MYO18B: variants seen among roughly 807,000 people sequenced by gnomAD.
MYO18B encodes the protein unconventional myosin-XVIIIb.
In MYO18B, 204 loss-of-function variants were observed where a neutral mutation model predicts 273.0. The ratio of observed to expected loss-of-function variants is 0.75; its 90% CI spans 0.67 to 0.84. The LOEUF (loss-of-function observed/expected upper bound fraction) is 0.84. Ranked by LOEUF, MYO18B falls within the 40% of genes least tolerant of loss-of-function variation. The pLI is 0.00. For missense variants in MYO18B, 3,212 were observed against 3,287.6 expected (o/e 0.98, Z 0.56); for synonymous variants, 1,330 against 1,305.7 (o/e 1.02, Z -0.40).
chr22:25,920,687 G>A (rs991297905), intron 33 of MYO18B, among the ~76,000 whole-genome samples: 2 of 152,220 alleles, frequency 1.3e-5, no homozygotes, highest in East Asian at 1.9e-4. Context: ...ATTTACTGAG[G>A]TGTAACACAA....
intron 1 of MYO18B, among the ~76,000 whole-genome samples, chr22:25,749,589 G>C (rs2085877385): frequency 6.6e-6 from 1 of 152,178 alleles, no homozygotes; most frequent in African/African-American, 2.4e-5. Flanking sequence ...AGAGAGCCTG[G>C]GGGTAGGGAG....
At chr22:25,884,424 GGTTTCTTATCT>G (rs1569150244) in intron 25 of MYO18B, among the ~76,000 whole-genome samples, 1 of 152,152 alleles carries the variant, frequency 6.6e-6, no homozygotes, top group Non-Finnish European at 1.5e-5. Flanking sequence ...TAGACAGCCT[GGTTTCTTATCT>G]GTCTTAGGCT....
chr22:25,907,094 G>A (rs2092059587), intron 31 of MYO18B, among the ~76,000 whole-genome samples: 1 of 152,218 alleles, frequency 6.6e-6, no homozygotes, highest in Non-Finnish European at 1.5e-5. Flanking sequence ...CCTGTACCCT[G>A]GGGATTCTAA....
At chr22:25,843,962 A>T (rs2090161084) in intron 18 of MYO18B, 68 bp downstream of exon 18, 37 of 1,459,916 alleles carry the variant, frequency 2.5e-5, no homozygotes, top group Non-Finnish European at 3.3e-5. Flanking sequence ...TCCCACCTAA[A>T]CTAGGCAGTC....
At chr22:25,983,122 A>G (rs2093166308) in intron 39 of MYO18B, among the ~76,000 whole-genome samples, 1 of 152,160 alleles carries the variant, frequency 6.6e-6, no homozygotes, top group Admixed American at 6.5e-5. Flanking sequence ...TCTAATCCCA[A>G]CAGTGGGAGG....
intron 29 of MYO18B, among the ~76,000 whole-genome samples, chr22:25,902,107 G>C (rs2091949631): frequency 2.0e-5 from 3 of 152,076 alleles, no homozygotes; most frequent in African/African-American, 7.2e-5. Flanking sequence ...CAAAGTGTTG[G>C]GATTACAGGC....
intron 25 of MYO18B, among the ~76,000 whole-genome samples, chr22:25,886,452 G>T (rs575684140): frequency 6.6e-6 from 1 of 152,346 alleles, no homozygotes; most frequent in East Asian, 1.9e-4. Flanking sequence ...TGGTACTGCA[G>T]TTGGGCTGGC....
In MYO18B at chr22:25,770,067, C is replaced by G. The variant is rs73398087; in HGVS notation, c.1513-43C>G. 2.1e-4 allele frequency: 339 copies of G among 1,593,530 alleles called. 1 individual carries two copies. In the African/African-American group the frequency reaches 4.3e-3, roughly 20 times the overall value. Reference sequence around the variant, plus strand: ...CCCGTGTAAGGTAGAAGATGGGCAGCGGTGCCATTTGCTGGTTTAATTTAC... The same window carrying G: ...CCCGTGTAAGGTAGAAGATGGGCAGGGGTGCCATTTGCTGGTTTAATTTAC... On this transcript the variant is annotated intron_variant, in intron 4 of 43. Coordinates refer to ENST00000335473, the MANE Select transcript of MYO18B (RefSeq NM_032608.7).
chr22:26,026,238 T>C (rs1206183392), intron 42 of MYO18B, among the ~76,000 whole-genome samples: 1 of 152,220 alleles, frequency 6.6e-6, no homozygotes, highest in African/African-American at 2.4e-5. Flanking sequence ...TAATTATAGA[T>C]AGAAATTGCA....
intron 17 of MYO18B, among the ~76,000 whole-genome samples, chr22:25,836,964 A>AAATAATAATAATAATAAT (rs71191082): frequency 7.0e-6 from 1 of 142,158 alleles, no homozygotes; most frequent in Non-Finnish European, 1.5e-5. Context: ...TTCCATCTCA[A>AAATAATAATAATAATAAT]AATAATAATA....
chr22:25,973,671 G>A (rs2093059307), intron 39 of MYO18B, among the ~76,000 whole-genome samples: 1 of 152,230 alleles, frequency 6.6e-6, no homozygotes, highest in African/African-American at 2.4e-5. Flanking sequence ...CAATAGCTAT[G>A]TGTGGCTAGT....
rs1408159719 is a variant in MYO18B at position 25,777,749 on chromosome 22, G to T, written c.2036G>T (p.Gly679Val). 3.7e-6 allele frequency: 6 copies of T among 1,606,380 alleles called. No individual in the cohort carries two copies. In the South Asian group the frequency reaches 5.6e-5, roughly 15 times the overall value. ...CCEQVLEHLV[G>V]MAGSVDGRVS... ...GAGCAGGTCCTGGAACACCTGGTGG[G>T]GATGGCAGGCAGTGTGGATGGCAGG... is the stretch of plus-strand genomic sequence containing the variant. Residue 679 changes from glycine (G) to valine (V), a missense_variant, in exon 8 of 44, where the codon GGG (glycine) becomes GTG (valine). Gly to Val is a moderately radical substitution (Grantham distance 109). Transcript: ENST00000335473.
Position 25,768,478 on chromosome 22 carries a change from G to A in MYO18B, c.562G>A (p.Gly188Arg), listed in dbSNP as rs1253754944. ...CKTSPPATDT[G>R]KEKKGETSRT... Reference sequence around the variant, plus strand: ...GACCTCTCCCCCCGCCACAGATACTGGAAAGGAAAAGAAAGGGGAGACCTC... The same window carrying A: ...GACCTCTCCCCCCGCCACAGATACTAGAAAGGAAAAGAAAGGGGAGACCTC... Residue 188 changes from glycine (G) to arginine (R), a missense_variant, in exon 4 of 44, where the codon GGA (glycine) becomes AGA (arginine). Physicochemically the swap from Gly to Arg is moderately radical, Grantham distance 125 (BLOSUM62 -2). Coordinates refer to ENST00000335473, the MANE Select transcript of MYO18B (RefSeq NM_032608.7). 2 of 1,609,410 alleles carry A rather than the reference G, an allele frequency of 1.2e-6. No homozygotes were observed. Among genetic ancestry groups the A allele is most frequent in the Non-Finnish European group, 1.7e-6 (2 of 1,178,122 alleles).
chr22:25,802,377 G>T (rs1458802475), intron 12 of MYO18B, among the ~76,000 whole-genome samples: 2 of 152,086 alleles, frequency 1.3e-5, no homozygotes, highest in East Asian at 3.9e-4. Context: ...TTCCATGGAG[G>T]TTTCTCTATG....
intron 15 of MYO18B, among the ~76,000 whole-genome samples, chr22:25,830,847 C>A (rs952774906): frequency 6.6e-6 from 1 of 152,166 alleles, no homozygotes; most frequent in Admixed American, 6.5e-5. Context: ...TGCAGAGAAC[C>A]AGGGTTGTTT....
intron 42 of MYO18B, among the ~76,000 whole-genome samples, chr22:26,009,233 C>T (rs1446190585): frequency 6.6e-6 from 1 of 152,212 alleles, no homozygotes; most frequent in East Asian, 1.9e-4. Context: ...CCTCTGGTCT[C>T]AGAAGATGAG....
chr22:25,909,838 T>C (rs1410241139), intron 32 of MYO18B, among the ~76,000 whole-genome samples: 1 of 152,180 alleles, frequency 6.6e-6, no homozygotes, highest in Non-Finnish European at 1.5e-5. Flanking sequence ...ATGCTGGGGC[T>C]GTCTGGGGTG....
intron 40 of MYO18B, among the ~76,000 whole-genome samples, chr22:26,002,069 A>G (rs2146905807): frequency 6.6e-6 from 1 of 152,324 alleles, no homozygotes; most frequent in East Asian, 1.9e-4. Context: ...GAATGTGAAC[A>G]TCTTTGGGGA....
intron 25 of MYO18B, among the ~76,000 whole-genome samples, chr22:25,882,357 G>A (rs1352493750): frequency 2.0e-5 from 3 of 147,440 alleles, no homozygotes; most frequent in Non-Finnish European, 4.5e-5. Context: ...CATGTAGATT[G>A]AAAAAAAAAA....
Sources: allele counts gnomAD v4.1 joint callset (sites outside exome capture counted in the v4.1 genomes callset), GRCh38; gene constraint gnomAD v4.1.1; transcripts MANE v1.5; gene names NCBI Gene and HGNC (gene_info 2026-07-23, HGNC 2026-07-21).